SDC1: variants seen among roughly 807,000 people sequenced by gnomAD.
The protein encoded by SDC1 is syndecan 1.
SDC1 carries 14 observed loss-of-function variants against 29.7 expected under a neutral mutation model. That is an observed-to-expected ratio of 0.47 (90% CI 0.31 to 0.74). SDC1 has a LOEUF of 0.74. SDC1 is among the 30% of genes least tolerant of loss of function. SDC1 has a pLI of 0.05. For synonymous variants in SDC1, 204 were observed against 175.5 expected, an observed-to-expected ratio of 1.16 and a Z score of -1.29; for missense variants, 406 against 400.3, an observed-to-expected ratio of 1.01 and a Z score of -0.12.
intron 1 of SDC1, among the ~76,000 whole-genome samples, chr2:20,215,403 G>A (rs1298633772): frequency 6.6e-6 from 1 of 152,270 alleles, no homozygotes; most frequent in Non-Finnish European, 1.5e-5. Context: ...GGCTCGGGTG[G>A]AAGAGAGCAA....
chr2:20,207,331 A>G (rs907091874), intron 1 of SDC1: 28 of 806,888 alleles, frequency 3.5e-5, no homozygotes, highest in Non-Finnish European at 4.0e-5. Flanking sequence ...CTAGAAGGGC[A>G]ATTCATAGCC....
At position 20,224,447 on chromosome 2, in the gene SDC1, C is replaced by CGACGGGGGCCCGGCCGCCGCGGTG. The variant is rs1677926202; in HGVS notation, c.66+331_66+354dup. On this transcript the variant is annotated intron_variant, in intron 1 of 4. Coordinates refer to ENST00000254351, the MANE Select transcript of SDC1 (RefSeq NM_002997.5). This position sits in a 1 kb window ranked among gnomAD's most constrained non-coding sequence, Gnocchi z 4.9. ...CGGTCACTGCATCCCCCCGGGTCAC[C>CGACGGGGGCCCGGCCGCCGCGGTG]GACGGGGGCCCGGCCGCCGCGGTGG... is the stretch of plus-strand genomic sequence containing the variant. Among the ~76,000 whole-genome samples, 1 of 151,550 alleles carries CGACGGGGGCCCGGCCGCCGCGGTG rather than the reference C, an allele frequency of 6.6e-6. No individual in the cohort carries two copies. Among genetic ancestry groups the CGACGGGGGCCCGGCCGCCGCGGTG allele is most frequent in the Admixed American group, 6.6e-5 (1 of 15,232 alleles).
chr2:20,216,868 T>C (rs1416875671), intron 1 of SDC1, among the ~76,000 whole-genome samples: 1 of 152,158 alleles, frequency 6.6e-6, no homozygotes, highest in African/African-American at 2.4e-5. Context: ...GCGCCAGAGT[T>C]CTGTCTCTCA....
Position 20,213,868 on chromosome 2 carries a change from C to G in SDC1, c.67-8444G>C, listed in dbSNP as rs1677549389. 4.6e-5 allele frequency among the ~76,000 whole-genome samples: 7 copies of G among 152,352 alleles called. No individual in the cohort carries two copies. The South Asian group carries it at 1.4e-3, about 32-fold the overall frequency. ...CACTTTTGACACACCTGCAGCCGGC[C>G]AGGGCTCCAGCTGTGTGTGAAGGTG... is the stretch of plus-strand genomic sequence containing the variant. On this transcript the variant is annotated intron_variant, in intron 1 of 4. Coordinates refer to ENST00000254351, the MANE Select transcript of SDC1 (RefSeq NM_002997.5).
intron 1 of SDC1, among the ~76,000 whole-genome samples, chr2:20,218,352 A>G (rs1024645090): frequency 1.3e-5 from 2 of 152,262 alleles, no homozygotes; most frequent in Admixed American, 1.3e-4. Flanking sequence ...GGCCACCAGC[A>G]GAGGTGGGAG....
intron 1 of SDC1, among the ~76,000 whole-genome samples, chr2:20,218,866 C>CA (rs1298600820): frequency 6.6e-6 from 1 of 152,070 alleles, no homozygotes; most frequent in Non-Finnish European, 1.5e-5. Flanking sequence ...CATGGTGCTG[C>CA]AACCCTCAGG....
At chr2:20,218,237 A>C (rs1162550525) in intron 1 of SDC1, among the ~76,000 whole-genome samples, 2 of 152,244 alleles carry the variant, frequency 1.3e-5, no homozygotes, top group African/African-American at 2.4e-5. Flanking sequence ...CAGCTGAACC[A>C]GGAAGGCCAG....
intron 1 of SDC1, among the ~76,000 whole-genome samples, chr2:20,219,862 AGGAG>A (rs529407624): frequency 1.8e-4 from 28 of 152,328 alleles, no homozygotes; most frequent in African/African-American, 3.4e-4. Flanking sequence ...GGAGGGGACC[AGGAG>A]GTGACTGTGG....
rs1390735581 is a variant in SDC1 at position 20,200,959 on chromosome 2, C to T, written c.*1807G>A. 1 of 152,230 alleles carries T rather than the reference C, an allele frequency of 6.6e-6. No individual in the cohort carries two copies. Among genetic ancestry groups the T allele is most frequent in the East Asian group, 1.9e-4 (1 of 5,184 alleles). 9.4% of individuals were successfully genotyped at this position (152,230 alleles called of 1,614,324 possible). ...CACTCCAGGCAGAAAGTCGCAGTAT[C>T]GAATACCGGACACAGGTTCCCTTGG... On this transcript the variant is annotated 3_prime_UTR_variant, in exon 5 of 5. Coordinates refer to ENST00000254351, the MANE Select transcript of SDC1 (RefSeq NM_002997.5).
chr2:20,203,200 C>T lies in SDC1; in HGVS notation c.650G>A (p.Gly217Glu), dbSNP rs147385212. The change falls in exon 4 of 5, where the codon GGG (glycine) becomes GAG (glutamate). Residue 217 changes from glycine to glutamate, a missense_variant. Physicochemically the swap from Gly to Glu is moderately conservative, Grantham distance 98. Transcript: ENST00000254351. ...GEQDFTFETSGENTAVVAVEP... is the reference protein window; with the variant it reads ...GEQDFTFETSEENTAVVAVEP... The stretch of plus-strand genomic sequence containing the variant: ...CACGGCCACTACAGCCGTATTCTCC[C>T]CCGAGGTTTCAAAGGTGAAGTCCTG... 363 of 1,609,420 alleles carry T rather than the reference C, an allele frequency of 2.3e-4. 1 individual carries two copies. In the African/African-American group the frequency reaches 4.3e-3, roughly 19 times the overall value.
At position 20,202,475 on chromosome 2, in the gene SDC1, C is replaced by T; in HGVS notation, c.*291G>A. Reference sequence around the variant, plus strand: ...CTCCAGAGCTGGACCTGGGGAGAGGCTGCTTCAGTTTGGAGAAACCGAGTC... The same window carrying T: ...CTCCAGAGCTGGACCTGGGGAGAGGTTGCTTCAGTTTGGAGAAACCGAGTC... On this transcript the variant is annotated 3_prime_UTR_variant, in exon 5 of 5. Coordinates refer to ENST00000254351, the MANE Select transcript of SDC1 (RefSeq NM_002997.5). The T allele has an allele frequency of 1.7e-6, 1 of 593,924 alleles. No individual in the cohort carries two copies. Among genetic ancestry groups the T allele is most frequent in the Non-Finnish European group, 3.0e-6 (1 of 333,892 alleles). 36.8% of individuals were successfully genotyped at this position (593,924 alleles called of 1,614,324 possible). A position where few individuals can be genotyped will look rare whatever the true frequency, so the allele number is the denominator to read the frequency against.
chr2:20,222,995 G>A (rs1459136896), intron 1 of SDC1, among the ~76,000 whole-genome samples: 2 of 152,140 alleles, frequency 1.3e-5, no homozygotes, highest in African/African-American at 4.8e-5. Context: ...AACTCGGAGC[G>A]AAGACTCCAA....
intron 1 of SDC1, among the ~76,000 whole-genome samples, chr2:20,206,725 T>A (rs969737066): frequency 7.9e-5 from 12 of 152,202 alleles, no homozygotes; most frequent in African/African-American, 2.9e-4. Flanking sequence ...GGTCCTGGGA[T>A]GTCATTAAAC....
At chr2:20,221,502 C>T (rs995643447) in intron 1 of SDC1, among the ~76,000 whole-genome samples, 7 of 152,204 alleles carry the variant, frequency 4.6e-5, no homozygotes, top group African/African-American at 1.4e-4. Context: ...CCCTGGCAGG[C>T]AGAGATTAAA....
rs757685851 is a variant in SDC1, at chr2:20,204,028, A to G, written c.412T>C (p.Ser138Pro). 3.1e-6 allele frequency: 5 copies of G among 1,612,794 alleles called. No homozygotes were observed. In the Admixed American group the frequency reaches 6.7e-5, roughly 22 times the overall value. The part of the protein sequence containing the change: ...TTQLPTTHLA[S>P]TTTATTAQEP... The stretch of plus-strand genomic sequence containing the variant: ...TGGGCCGTGGTGGCTGTGGTCGTTG[A>G]GGCCAGATGAGTGGTCGGGAGCTGT... The change falls in exon 3 of 5, where the codon TCA (serine) becomes CCA (proline). Residue 138 changes from serine (S) to proline (P), a missense_variant. Ser to Pro is a moderately conservative substitution (Grantham distance 74). Transcript: ENST00000254351.
At position 20,224,173 on chromosome 2, in the gene SDC1, C is replaced by T; in HGVS notation, c.66+629G>A. The T allele has an allele frequency of 2.3e-6, 1 of 426,750 alleles. No individual in the cohort carries two copies. Among genetic ancestry groups the T allele is most frequent in the South Asian group, 1.6e-5 (1 of 62,674 alleles). 26.4% of individuals were successfully genotyped at this position (426,750 alleles called of 1,614,324 possible). On this transcript the variant is annotated intron_variant, in intron 1 of 4. Coordinates refer to ENST00000254351, the MANE Select transcript of SDC1 (RefSeq NM_002997.5). This position sits in a 1 kb window ranked among gnomAD's most constrained non-coding sequence, Gnocchi z 4.9. ...CCAACTTCCCGGAACCTCCCGCTGCCGGGCCGGCTCAGCTCACCTCGAGCC... is the reference window on the plus strand; with the variant it reads ...CCAACTTCCCGGAACCTCCCGCTGCTGGGCCGGCTCAGCTCACCTCGAGCC...
chr2:20,203,733 G>T, intron 3 of SDC1, 80 bp downstream of exon 3: 1 of 1,057,422 alleles, frequency 9.5e-7, no homozygotes, highest in Non-Finnish European at 1.4e-6. Flanking sequence ...ATGCCCGCAG[G>T]GCACAGGTGT....
Position 20,224,816 on chromosome 2 carries a change from G to A in SDC1, c.52C>T (p.Gln18Ter). Residue 18 changes from glutamine to a stop codon, truncating the protein, a stop_gained, in exon 1 of 5, where the codon CAG becomes TAG. Transcript: ENST00000254351. LOFTEE classifies it high-confidence loss of function. This position sits in a 1 kb window ranked among gnomAD's most constrained non-coding sequence, Gnocchi z 4.9. ...GCCGCACTCACCGGCAGGGCCGGCT[G>A]CAGGCTCAGCGCCAGCGCGCACAGC... ...LWLCALALSL[Q>*]PALPQIVATN... 2 of 1,297,060 alleles carry A rather than the reference G, an allele frequency of 1.5e-6. No homozygotes were observed. The highest frequency in any genetic ancestry group is 1.5e-5 in the African/African-American group (1 of 64,746). 80.3% of individuals were successfully genotyped at this position (1,297,060 alleles called of 1,614,324 possible).
chr2:20,211,184 T>C (rs1449133557), intron 1 of SDC1, among the ~76,000 whole-genome samples: 10 of 152,128 alleles, frequency 6.6e-5, no homozygotes, highest in Admixed American at 4.6e-4. Flanking sequence ...CCACTACAAA[T>C]GAAGTCTTTC....
Sources: gnomAD v4.1 joint callset for allele counts (sites outside exome capture counted in the v4.1 genomes callset) on GRCh38, gnomAD v4.1.1 for gene constraint, Gnocchi (gnomAD v3.1) non-coding constraint, MANE v1.5 for transcripts, NCBI Gene and HGNC (gene_info 2026-07-23, HGNC 2026-07-21) for gene names.